Variants in DACH2 observed in about 807,000 individuals in gnomAD.
The protein encoded by DACH2 is dachshund homolog 2.
Under a neutral mutation model 35.8 loss-of-function variants are expected in DACH2, and 17 were observed. That is an observed-to-expected ratio of 0.48 (90% CI 0.33 to 0.71). DACH2 has a LOEUF of 0.71. DACH2 is among the 30% of genes least tolerant of loss of function. DACH2 has a pLI of 0.02. For synonymous variants in DACH2, 195 were observed against 177.3 expected (o/e 1.10, Z -0.79); for missense variants, 469 against 472.7 (o/e 0.99, Z 0.07).
rs752940304 is a variant in DACH2 at position 86,536,044 on chromosome X, G to A, written c.640+21653G>A. 4.5e-3 allele frequency among the ~76,000 whole-genome samples: 503 copies of A among 111,009 alleles called. 2 individuals are homozygous for A. The highest frequency in any genetic ancestry group is 0.016 in the African/African-American group (481 of 30,574). Reference sequence around the variant, plus strand: ...GCATAGATAAGGTCTGCTGGTCACAGAAAAATGGGCTTTTAACCTTCCTTT... The same window carrying A: ...GCATAGATAAGGTCTGCTGGTCACAAAAAAATGGGCTTTTAACCTTCCTTT... On this transcript the variant is annotated intron_variant, in intron 3 of 11. Coordinates refer to ENST00000373125, the MANE Select transcript of DACH2 (RefSeq NM_053281.3).
chrX:86,532,061 C>A (rs1275254076), intron 3 of DACH2, among the ~76,000 whole-genome samples: 1 of 112,859 alleles, frequency 8.9e-6, no homozygotes, highest in African/African-American at 3.2e-5. Context: ...TTGTTTCAGG[C>A]AATTTCTCCA....
chrX:86,446,474 G>T (rs2037282379), intron 2 of DACH2, among the ~76,000 whole-genome samples: 1 of 55,141 alleles, frequency 1.8e-5, no homozygotes. Context: ...TCCCCAGAGT[G>T]TGATATTCCC....
intron 2 of DACH2, among the ~76,000 whole-genome samples, chrX:86,391,769 A>G (rs895319587): frequency 1.8e-5 from 2 of 111,282 alleles, no homozygotes; most frequent in Admixed American, 9.6e-5. Flanking sequence ...TCTTTGATGC[A>G]AAGAATCAGC....
intron 3 of DACH2, among the ~76,000 whole-genome samples, chrX:86,559,841 C>G (rs1428949867): frequency 5.4e-5 from 3 of 55,924 alleles, no homozygotes; most frequent in Non-Finnish European, 9.1e-5. Flanking sequence ...TGTCTCTGCA[C>G]GTGAGATGGG....
intron 2 of DACH2, among the ~76,000 whole-genome samples, chrX:86,441,867 G>T (rs1569401054): frequency 1.1e-5 from 1 of 94,881 alleles, no homozygotes; most frequent in Non-Finnish European, 2.1e-5. Flanking sequence ...GTGTGTGTGT[G>T]TGTATATATA....
At chrX:86,610,362 CCTCTTT>C (rs1404383499) in intron 3 of DACH2, among the ~76,000 whole-genome samples, 3 of 75,647 alleles carry the variant, frequency 4.0e-5, no homozygotes, top group Non-Finnish European at 5.1e-5. Flanking sequence ...TTCCTTCCTT[CCTCTTT>C]CTTTCTTTCT....
chrX:86,542,455 T>TG (rs1168261526), intron 3 of DACH2, among the ~76,000 whole-genome samples: 3 of 111,408 alleles, frequency 2.7e-5, no homozygotes, highest in Non-Finnish European at 5.6e-5. Flanking sequence ...GGGCAACCTT[T>TG]GGGGTGCCCT....
At chrX:86,411,359 T>C (rs1427843126) in intron 2 of DACH2, among the ~76,000 whole-genome samples, 8 of 110,019 alleles carry the variant, frequency 7.3e-5, no homozygotes, top group African/African-American at 2.7e-4. Context: ...TTTTAACATT[T>C]TAACAGACAC....
At chrX:86,742,179 T>A (rs1239835568) in intron 7 of DACH2, among the ~76,000 whole-genome samples, 2 of 110,597 alleles carry the variant, frequency 1.8e-5, no homozygotes, top group Non-Finnish European at 3.8e-5. Context: ...ACCAAGATTG[T>A]CTATAAATAA....
intron 11 of DACH2, among the ~76,000 whole-genome samples, chrX:86,817,482 CAT>C (rs2042465461): frequency 2.7e-5 from 3 of 111,290 alleles, no homozygotes; most frequent in Admixed American, 1.9e-4. Flanking sequence ...CAAATATAGA[CAT>C]AGTCTTTAAG....
chrX:86,220,619 C>A (rs1391341456), intron 1 of DACH2, among the ~76,000 whole-genome samples: 1 of 112,095 alleles, frequency 8.9e-6, no homozygotes, highest in Non-Finnish European at 1.9e-5. Flanking sequence ...TCCATTTGTA[C>A]ATTAAAGAAT....
chrX:86,347,798 C>T (rs759659868), intron 1 of DACH2, among the ~76,000 whole-genome samples: 50 of 112,395 alleles, frequency 4.4e-4, no homozygotes, highest in African/African-American at 1.6e-3. Context: ...AATACAGAAA[C>T]AGGTTTCATT....
intron 3 of DACH2, among the ~76,000 whole-genome samples, chrX:86,596,545 T>C (rs970405222): frequency 9.0e-6 from 1 of 111,618 alleles, no homozygotes; most frequent in African/African-American, 3.2e-5. Context: ...ATCCTTTGTC[T>C]ATTACTTAAT....
intron 3 of DACH2, among the ~76,000 whole-genome samples, chrX:86,611,486 G>A (rs1165231660): frequency 9.0e-6 from 1 of 111,078 alleles, no homozygotes. Context: ...ACTAGGACTT[G>A]CTTAAGGATT....
intron 1 of DACH2, among the ~76,000 whole-genome samples, chrX:86,300,968 A>C (rs1240040843): frequency 8.9e-6 from 1 of 112,208 alleles, no homozygotes; most frequent in Non-Finnish European, 1.9e-5. Context: ...TATTGTGAAC[A>C]ATGTAGTATG....
chrX:86,186,023 T>C (rs1392698349), intron 1 of DACH2, among the ~76,000 whole-genome samples: 1 of 112,731 alleles, frequency 8.9e-6, no homozygotes, highest in Non-Finnish European at 1.9e-5. Context: ...AGTATCTTTT[T>C]ATAGTTGAGA....
chrX:86,645,140 T>A (rs113731328), intron 3 of DACH2, among the ~76,000 whole-genome samples: 13,779 of 110,337 alleles, frequency 0.12, 750 homozygotes, highest in East Asian at 0.32. Context: ...ACTTACAGAA[T>A]AGGAGAAAAT....
intron 7 of DACH2, among the ~76,000 whole-genome samples, chrX:86,790,960 A>G (rs1460882160): frequency 2.7e-5 from 3 of 112,112 alleles, no homozygotes; most frequent in Non-Finnish European, 5.6e-5. Context: ...CATGTATTAT[A>G]TACTGCATTC....
intron 1 of DACH2, among the ~76,000 whole-genome samples, chrX:86,366,153 C>T (rs780727753): frequency 6.1e-4 from 68 of 110,765 alleles, no homozygotes; most frequent in Non-Finnish European, 1.1e-3. Context: ...TTTGGTGCTT[C>T]CAAATGGAAG....
Sources: allele counts gnomAD v4.1 joint callset (sites outside exome capture counted in the v4.1 genomes callset), GRCh38; gene constraint gnomAD v4.1.1; transcripts MANE v1.5; gene names NCBI Gene and HGNC (gene_info 2026-07-23, HGNC 2026-07-21).